The following MARCHF3 variants were observed in gnomAD, a reference collection of about 807,000 sequenced individuals.
The protein encoded by MARCHF3 is membrane associated ring-CH-type finger 3, also known as E3 ubiquitin-protein ligase MARCHF3.
A neutral mutation model predicts 24.2 loss-of-function variants in MARCHF3; 13 were observed. The ratio of observed to expected loss-of-function variants is 0.54; its 90% confidence interval spans 0.35 to 0.85. The LOEUF (loss-of-function observed/expected upper bound fraction) is 0.85. Ranked by LOEUF, MARCHF3 falls within the 40% of genes least tolerant of loss-of-function variation. The pLI is 0.01. For missense variants in MARCHF3, 276 were observed against 325.0 expected (o/e 0.85, Z 1.16); for synonymous variants, 144 against 137.3 (o/e 1.05, Z -0.34).
chr5:126,950,112 C>T (rs914079205), intron 1 of MARCHF3, among the ~76,000 whole-genome samples: 1 of 152,144 alleles, frequency 6.6e-6, no homozygotes, highest in Non-Finnish European at 1.5e-5. Flanking sequence ...GTCCTCCTGA[C>T]CCAGTTTAAA....
At chr5:126,873,767 T>A (rs1207216768) in intron 4 of MARCHF3, among the ~76,000 whole-genome samples, 3 of 152,216 alleles carry the variant, frequency 2.0e-5, no homozygotes, top group Non-Finnish European at 2.9e-5. Flanking sequence ...ATCACTACAG[T>A]CTGCAGGCAA....
chr5:126,989,404 T>G (rs1751675939), intron 1 of MARCHF3, among the ~76,000 whole-genome samples: 1 of 152,084 alleles, frequency 6.6e-6, no homozygotes, highest in East Asian at 1.9e-4. Context: ...GCTAAAGCAG[T>G]AAGACAATTT....
chr5:126,913,571 T>C (rs1754612781), intron 3 of MARCHF3, among the ~76,000 whole-genome samples: 1 of 152,244 alleles, frequency 6.6e-6, no homozygotes, highest in African/African-American at 2.4e-5. Context: ...AGTGGCAAGA[T>C]GGCTAAATTA....
intron 3 of MARCHF3, among the ~76,000 whole-genome samples, chr5:126,899,731 C>T (rs1754042113): frequency 6.6e-6 from 1 of 152,122 alleles, no homozygotes; most frequent in Non-Finnish European, 1.5e-5. Flanking sequence ...TGATCTGGCA[C>T]AGCTCAGGGT....
intron 1 of MARCHF3, among the ~76,000 whole-genome samples, chr5:126,994,019 T>A (rs1751865394): frequency 6.6e-6 from 1 of 152,160 alleles, no homozygotes; most frequent in African/African-American, 2.4e-5. Context: ...ACCTAGATAT[T>A]TAGGTAAGAG....
chr5:126,892,989 G>T (rs1273038831), intron 3 of MARCHF3, among the ~76,000 whole-genome samples: 1 of 151,794 alleles, frequency 6.6e-6, no homozygotes, highest in Non-Finnish European at 1.5e-5. Context: ...TCTATTCAGA[G>T]ATTCAACTTC....
intron 2 of MARCHF3, 68 bp downstream of exon 2, chr5:126,917,916 G>A (rs1332590055): frequency 6.6e-7 from 1 of 1,510,096 alleles, no homozygotes; most frequent in Non-Finnish European, 9.0e-7. Context: ...ATTCCCATTA[G>A]CATTTTCCAT....
At chr5:126,971,240 G>A (rs1358606845) in intron 1 of MARCHF3, among the ~76,000 whole-genome samples, 4 of 151,920 alleles carry the variant, frequency 2.6e-5, no homozygotes, top group Admixed American at 2.6e-4. Flanking sequence ...ATGAGGTCAG[G>A]AGATCAAGAC....
At chr5:126,992,566 TTCTAGTTAA>T (rs1287211924) in intron 1 of MARCHF3, among the ~76,000 whole-genome samples, 2 of 152,170 alleles carry the variant, frequency 1.3e-5, no homozygotes, top group South Asian at 4.1e-4. Context: ...AGCCAGGATC[TTCTAGTTAA>T]TTTCTACTAC....
chr5:126,872,857 T>G (rs1056667556), intron 4 of MARCHF3, among the ~76,000 whole-genome samples: 2 of 152,174 alleles, frequency 1.3e-5, no homozygotes, highest in Non-Finnish European at 2.9e-5. Context: ...CAGTTTGGTT[T>G]TTTTTTCAAG....
chr5:127,005,293 G>A (rs1752270722), intron 1 of MARCHF3, among the ~76,000 whole-genome samples: 2 of 151,872 alleles, frequency 1.3e-5, no homozygotes, highest in South Asian at 2.1e-4. Context: ...CCACCACCAC[G>A]CCTAGCTAAT....
chr5:126,919,897 C>T (rs1024909300), intron 1 of MARCHF3, among the ~76,000 whole-genome samples: 1 of 152,178 alleles, frequency 6.6e-6, no homozygotes, highest in Non-Finnish European at 1.5e-5. Context: ...GACTCCAGTC[C>T]TTGTCTGAGA....
At chr5:126,935,847 G>A (rs1749630750) in intron 1 of MARCHF3, among the ~76,000 whole-genome samples, 1 of 151,934 alleles carries the variant, frequency 6.6e-6, no homozygotes, top group African/African-American at 2.4e-5. Context: ...CTGACCTCAG[G>A]TGATCCACCC....
At chr5:127,008,628 T>C (rs2126855713) in intron 1 of MARCHF3, among the ~76,000 whole-genome samples, 1 of 152,338 alleles carries the variant, frequency 6.6e-6, no homozygotes, top group South Asian at 2.1e-4. Flanking sequence ...ATAAACTGTG[T>C]TCTATTATGT....
chr5:126,878,854 C>T (rs918133787), intron 3 of MARCHF3, among the ~76,000 whole-genome samples: 1 of 152,188 alleles, frequency 6.6e-6, no homozygotes, highest in South Asian at 2.1e-4. Context: ...TGGCTCTTGA[C>T]CAGCTTCTGA....
At chr5:126,991,579 G>T (rs988567571) in intron 1 of MARCHF3, among the ~76,000 whole-genome samples, 2 of 152,056 alleles carry the variant, frequency 1.3e-5, no homozygotes, top group East Asian at 3.9e-4. Flanking sequence ...AATTAGCTGG[G>T]CATGGTGGTA....
chr5:126,880,435 C>A (rs1238961842), intron 3 of MARCHF3, among the ~76,000 whole-genome samples: 1 of 152,154 alleles, frequency 6.6e-6, no homozygotes, highest in Admixed American at 6.5e-5. Context: ...TGATATTAAT[C>A]CTGCCATGTG....
rs775660117 is a variant in MARCHF3 at position 127,013,416 on chromosome 5, T to A, written c.-57+16934A>T. 7.0e-4 allele frequency among the ~76,000 whole-genome samples: 106 copies of A among 152,280 alleles called. 1 individual carries two copies. The highest frequency in any genetic ancestry group is 1.1e-3 in the Non-Finnish European group (72 of 68,006). On this transcript the variant is annotated intron_variant, in intron 1 of 4. Coordinates refer to ENST00000308660, the MANE Select transcript of MARCHF3 (RefSeq NM_178450.5). ...GCTGTCAAAGGCAGTTGACAAGAGC[T>A]TACATAGACCATGTACCCATTTAAC...
intron 1 of MARCHF3, among the ~76,000 whole-genome samples, chr5:127,025,778 T>C (rs73339225): frequency 0.013 from 1,979 of 152,336 alleles, 41 homozygotes; most frequent in African/African-American, 0.042. Flanking sequence ...TTTTTCTTTC[T>C]TCTTACTACT....
Sources: allele counts gnomAD v4.1 joint callset (sites outside exome capture counted in the v4.1 genomes callset), GRCh38; gene constraint gnomAD v4.1.1; transcripts MANE v1.5; gene names NCBI Gene and HGNC (gene_info 2026-07-23, HGNC 2026-07-21).